The following STK3 variants were observed in gnomAD, a reference collection of about 807,000 sequenced individuals.
STK3 encodes the protein serine/threonine-protein kinase 3.
Under a neutral mutation model 58.0 loss-of-function variants are expected in STK3, and 41 were observed. That is an observed-to-expected ratio of 0.71 (90% CI 0.55 to 0.92). STK3 has a LOEUF of 0.92. Ranked by LOEUF, STK3 falls within the 40% of genes least tolerant of loss-of-function variation. STK3 has a pLI of 0.00. For missense variants in STK3, 479 were observed against 602.7 expected, an observed-to-expected ratio of 0.79 and a Z score of 2.15; for synonymous variants, 170 against 191.0, an observed-to-expected ratio of 0.89 and a Z score of 0.91.
At chr8:98,915,011 G>C (rs941541737) in intron 1 of STK3, among the ~76,000 whole-genome samples, 7 of 152,086 alleles carry the variant, frequency 4.6e-5, no homozygotes, top group Admixed American at 1.3e-4. Flanking sequence ...TCTGAGCTTT[G>C]GTTTCTTCTC....
At chr8:98,519,321 C>A (rs1447776284) in intron 10 of STK3, among the ~76,000 whole-genome samples, 2 of 152,060 alleles carry the variant, frequency 1.3e-5, no homozygotes, top group African/African-American at 4.8e-5. Context: ...CTGGTAGATG[C>A]TGCTGGCTTA....
chr8:98,824,245 T>C (rs529231651), intron 1 of STK3, among the ~76,000 whole-genome samples: 3 of 152,288 alleles, frequency 2.0e-5, no homozygotes, highest in Non-Finnish European at 4.4e-5. Context: ...CTTTGAAAAG[T>C]ATAAATCACC....
intron 7 of STK3, among the ~76,000 whole-genome samples, chr8:98,588,607 T>C (rs1475886530): frequency 6.6e-6 from 1 of 152,182 alleles, no homozygotes; most frequent in Non-Finnish European, 1.5e-5. Context: ...AGTATCTTTA[T>C]GGCGTTCTCT....
At chr8:98,720,765 A>AG (rs1174827651) in intron 4 of STK3, among the ~76,000 whole-genome samples, 1 of 151,800 alleles carries the variant, frequency 6.6e-6, no homozygotes, top group African/African-American at 2.4e-5. Context: ...AAAAAAAAAA[A>AG]AAAAGAAAAA....
rs578018171 is a variant in STK3 at position 98,700,402 on chromosome 8, A to C, written c.684+6065T>G. Among the ~76,000 whole-genome samples the C allele has an allele frequency of 2.9e-3, 439 of 152,268 alleles. 3 individuals carry two copies. The highest frequency in any genetic ancestry group is 9.9e-3 in the African/African-American group (410 of 41,550). On this transcript the variant is annotated intron_variant, in intron 6 of 10. Transcript: ENST00000419617. ...CTGCGCCCACTGTCTGGCACTCCCT[A>C]GTGAGATGAACCCAGTACCTCAGAT...
intron 10 of STK3, among the ~76,000 whole-genome samples, chr8:98,492,912 G>T (rs1174249155): frequency 5.9e-5 from 9 of 151,740 alleles, no homozygotes; most frequent in African/African-American, 2.2e-4. Flanking sequence ...TCCAATTCCT[G>T]CCATTAGCTC....
intron 3 of STK3, among the ~76,000 whole-genome samples, chr8:98,862,160 C>T (rs776153834): frequency 4.6e-5 from 7 of 152,112 alleles, no homozygotes; most frequent in Admixed American, 1.3e-4. Context: ...ACTTACGAGG[C>T]ATTGAATTGA....
At chr8:98,552,349 C>A (rs1316691247) in intron 8 of STK3, among the ~76,000 whole-genome samples, 1 of 152,068 alleles carries the variant, frequency 6.6e-6, no homozygotes, top group Non-Finnish European at 1.5e-5. Flanking sequence ...CTGCATTTGG[C>A]CTCCTATCAC....
chr8:98,891,027 AGGG>A (rs1330029633), intron 1 of STK3, among the ~76,000 whole-genome samples: 1 of 152,248 alleles, frequency 6.6e-6, no homozygotes, highest in Non-Finnish European at 1.5e-5. Flanking sequence ...CTCAGTTAAC[AGGG>A]ACTGCTGAAA....
intron 3 of STK3, among the ~76,000 whole-genome samples, chr8:98,836,516 C>T (rs1411787193): frequency 6.6e-6 from 1 of 152,232 alleles, no homozygotes; most frequent in Non-Finnish European, 1.5e-5. Flanking sequence ...AACATTCAAA[C>T]AATAGCACCT....
intron 3 of STK3, among the ~76,000 whole-genome samples, chr8:98,840,442 C>T (rs1371669936): frequency 6.7e-6 from 1 of 148,604 alleles, no homozygotes; most frequent in Non-Finnish European, 1.5e-5. Flanking sequence ...TGTGGTGGCA[C>T]CTGTCTGTAG....
intron 3 of STK3, chr8:98,429,489 TG>T (rs1431557646): frequency 4.7e-6 from 5 of 1,055,184 alleles, no homozygotes; most frequent in Non-Finnish European, 7.1e-6. Flanking sequence ...AGGCACCTTA[TG>T]GTTATGGTGT....
chr8:98,900,261 G>A (rs1464671372), intron 1 of STK3, among the ~76,000 whole-genome samples: 1 of 152,090 alleles, frequency 6.6e-6, no homozygotes, highest in Non-Finnish European at 1.5e-5. Context: ...TTTTTTAGTA[G>A]AGACAGGGTT....
chr8:98,439,970 C>T (rs769222589), intron 1 of STK3, among the ~76,000 whole-genome samples: 1 of 152,186 alleles, frequency 6.6e-6, no homozygotes, highest in Non-Finnish European at 1.5e-5. Context: ...ACCTCTCTAG[C>T]CTTCAGGGAA....
intron 6 of STK3, among the ~76,000 whole-genome samples, chr8:98,628,819 CAAAAAAA>C: frequency 1.6e-5 from 1 of 64,120 alleles, no homozygotes; most frequent in East Asian, 4.1e-4. Flanking sequence ...CTCCACACTC[CAAAAAAA>C]AAAAAAAAAA....
chr8:98,805,090 G>A (rs1196158601), intron 1 of STK3, among the ~76,000 whole-genome samples: 1 of 152,108 alleles, frequency 6.6e-6, no homozygotes, highest in Non-Finnish European at 1.5e-5. Context: ...TAAAAATAGC[G>A]AGAATGATGG....
At chr8:98,522,519 T>C (rs1200945729) in intron 10 of STK3, among the ~76,000 whole-genome samples, 3 of 152,248 alleles carry the variant, frequency 2.0e-5, no homozygotes, top group South Asian at 2.1e-4. Flanking sequence ...ACTGTGCAAA[T>C]TCTTTCCCCT....
chr8:98,688,975 G>T (rs1350610204), intron 6 of STK3, among the ~76,000 whole-genome samples: 2 of 152,042 alleles, frequency 1.3e-5, no homozygotes. Flanking sequence ...CAAAAAATTG[G>T]TTTTTTGAAA....
intron 8 of STK3, among the ~76,000 whole-genome samples, chr8:98,576,033 G>A (rs556802755): frequency 3.9e-5 from 6 of 152,064 alleles, no homozygotes; most frequent in African/African-American, 1.4e-4. Context: ...TACATGTAGG[G>A]TGTTGATCCA....
Sources: gnomAD v4.1 joint callset for allele counts (sites outside exome capture counted in the v4.1 genomes callset) on GRCh38, gnomAD v4.1.1 for gene constraint, MANE v1.5 for transcripts, NCBI Gene and HGNC (gene_info 2026-07-23, HGNC 2026-07-21) for gene names.